SHC3: variants seen among roughly 807,000 people sequenced by gnomAD.
SHC3 encodes the protein SHC-transforming protein 3.
Under a neutral mutation model 60.4 loss-of-function variants are expected in SHC3, and 15 were observed. The ratio of observed to expected loss-of-function variants is 0.25; its 90% confidence interval spans 0.17 to 0.38. The LOEUF (loss-of-function observed/expected upper bound fraction) is 0.38, where lower values mean the gene tolerates loss of function less well. Among genes scored for constraint, SHC3 ranks in the 10% least tolerant of loss-of-function variants. The probability of loss-of-function intolerance (pLI) is 1.00; values close to 1 mark genes in which losing one functional copy is unlikely to be tolerated. For synonymous variants in SHC3, 294 were observed against 325.9 expected (o/e 0.90, Z 1.05); for missense variants, 677 against 786.1 (o/e 0.86, Z 1.66).
At chr9:89,037,374 T>C (rs1824599288) in intron 11 of SHC3, 1 of 619,320 alleles carries the variant, frequency 1.6e-6, no homozygotes, top group Non-Finnish European at 2.9e-6. Context: ...TTGATTTAAC[T>C]GCATTTATTA....
At chr9:89,102,363 G>A (rs1394321623) in intron 2 of SHC3, among the ~76,000 whole-genome samples, 1 of 151,792 alleles carries the variant, frequency 6.6e-6, no homozygotes, top group African/African-American at 2.4e-5. Context: ...TAAAACTTAT[G>A]AAAAAAACAG....
intron 1 of SHC3, among the ~76,000 whole-genome samples, chr9:89,130,742 A>T (rs1826232479): frequency 6.6e-6 from 1 of 151,862 alleles, no homozygotes; most frequent in Non-Finnish European, 1.5e-5. Context: ...AACATACCAG[A>T]ATCTCATTTA....
chr9:89,024,923 G>C (rs1039231985), intron 11 of SHC3, among the ~76,000 whole-genome samples: 1 of 152,170 alleles, frequency 6.6e-6, no homozygotes, highest in East Asian at 1.9e-4. Flanking sequence ...GTGGTGTGGC[G>C]GGGAACCCAG....
At chr9:89,152,362 A>G (rs1046466274) in intron 1 of SHC3, among the ~76,000 whole-genome samples, 1 of 152,262 alleles carries the variant, frequency 6.6e-6, no homozygotes, top group Non-Finnish European at 1.5e-5. Flanking sequence ...AATGAAATCA[A>G]TTTACAGGAC....
At chr9:89,061,290 G>A (rs1354685473) in intron 6 of SHC3, among the ~76,000 whole-genome samples, 1 of 152,236 alleles carries the variant, frequency 6.6e-6, no homozygotes, top group Non-Finnish European at 1.5e-5. Context: ...TAGAAGCAGT[G>A]CTGTGTTACT....
chr9:89,169,279 C>G (rs1285602413), intron 1 of SHC3, among the ~76,000 whole-genome samples: 2 of 152,114 alleles, frequency 1.3e-5, no homozygotes, highest in Admixed American at 6.5e-5. Context: ...GGAGGCCTGC[C>G]CCTCCTCACA....
At position 89,006,183 on chromosome 9, in the gene SHC3, C is replaced by G. The variant is rs1451221780; in HGVS notation, c.*7264G>C. ...AGGATGACACCTGGGGATGCGATGC[C>G]GTGCCTGCACTTGGCGATCCCAGGA... is the stretch of plus-strand genomic sequence containing the variant. On this transcript the variant is annotated 3_prime_UTR_variant, in exon 12 of 12. Coordinates refer to ENST00000375835, the MANE Select transcript of SHC3 (RefSeq NM_016848.6). The G allele has an allele frequency of 6.6e-6, 1 of 152,184 alleles. No individual in the cohort carries two copies. Among genetic ancestry groups the G allele is most frequent in the Non-Finnish European group, 1.5e-5 (1 of 68,036 alleles). 9.4% of individuals were successfully genotyped at this position (152,184 alleles called of 1,614,324 possible).
At chr9:89,152,446 T>C (rs1017573697) in intron 1 of SHC3, among the ~76,000 whole-genome samples, 4 of 152,248 alleles carry the variant, frequency 2.6e-5, no homozygotes, top group Non-Finnish European at 4.4e-5. Context: ...CTCAAGTTAG[T>C]TGTGGCTTGG....
intron 1 of SHC3, among the ~76,000 whole-genome samples, chr9:89,148,657 A>G (rs928515722): frequency 3.3e-5 from 5 of 152,204 alleles, no homozygotes; most frequent in Non-Finnish European, 7.3e-5. Context: ...TCTATAAGTT[A>G]ATGACCTAAT....
intron 11 of SHC3, among the ~76,000 whole-genome samples, chr9:89,023,301 G>A (rs1457020812): frequency 6.6e-6 from 1 of 152,236 alleles, no homozygotes; most frequent in East Asian, 1.9e-4. Flanking sequence ...AAGTCTCAGA[G>A]TAGAAGAAAA....
In SHC3 at chr9:89,126,370, C is replaced by T. The variant is rs570459760; in HGVS notation, c.475-13744G>A. ...AGAGGCCCCATTCGGTAGAGTCTCT[C>T]TCTGCTAAGAATGGGTTTGGTACCA... On this transcript the variant is annotated intron_variant, in intron 1 of 11. Transcript: ENST00000375835. Among the ~76,000 whole-genome samples the T allele has an allele frequency of 3.9e-4, 59 of 152,308 alleles. 1 individual carries two copies. The South Asian group carries it at 9.1e-3, about 24-fold the overall frequency.
At chr9:89,130,149 A>G (rs1196183759) in intron 1 of SHC3, among the ~76,000 whole-genome samples, 4 of 152,238 alleles carry the variant, frequency 2.6e-5, no homozygotes, top group Non-Finnish European at 4.4e-5. Context: ...CAAACCAACA[A>G]AGATCAAAAG....
intron 7 of SHC3, among the ~76,000 whole-genome samples, chr9:89,051,081 G>A (rs1024627494): frequency 6.6e-6 from 1 of 152,052 alleles, no homozygotes; most frequent in Non-Finnish European, 1.5e-5. Context: ...TCTCTTTGAA[G>A]AACGGCAAAG....
chr9:89,022,180 A>G (rs1826212208), intron 11 of SHC3, among the ~76,000 whole-genome samples: 1 of 152,108 alleles, frequency 6.6e-6, no homozygotes, highest in Non-Finnish European at 1.5e-5. Flanking sequence ...GACCCAGGGC[A>G]GGAACCTGAA....
intron 1 of SHC3, among the ~76,000 whole-genome samples, chr9:89,133,426 A>G (rs889789567): frequency 6.6e-6 from 1 of 152,200 alleles, no homozygotes; most frequent in Non-Finnish European, 1.5e-5. Context: ...TACCCAAAGG[A>G]TTATAAATCA....
chr9:89,043,128 G>A (rs528313649), intron 9 of SHC3, among the ~76,000 whole-genome samples: 2 of 152,304 alleles, frequency 1.3e-5, no homozygotes, highest in Admixed American at 6.5e-5. Context: ...GTGTGTTGAA[G>A]CCAGCTCAAT....
At chr9:89,133,141 T>C (rs1400526397) in intron 1 of SHC3, among the ~76,000 whole-genome samples, 3 of 152,050 alleles carry the variant, frequency 2.0e-5, no homozygotes, top group Non-Finnish European at 4.4e-5. Context: ...ATTTATGCAG[T>C]CAACAGACAC....
chr9:89,161,232 T>C (rs1354894725), intron 1 of SHC3, among the ~76,000 whole-genome samples: 3 of 152,170 alleles, frequency 2.0e-5, no homozygotes, highest in African/African-American at 7.2e-5. Flanking sequence ...CACCACCCCC[T>C]TCATGCATCC....
chr9:89,152,332 A>G (rs1330388305), intron 1 of SHC3, among the ~76,000 whole-genome samples: 2 of 152,240 alleles, frequency 1.3e-5, no homozygotes, highest in Admixed American at 1.3e-4. Flanking sequence ...ATTACCATGC[A>G]CTGTAAAAAA....
Sources: allele counts gnomAD v4.1 joint callset (sites outside exome capture counted in the v4.1 genomes callset), GRCh38; gene constraint gnomAD v4.1.1; transcripts MANE v1.5; gene names NCBI Gene and HGNC (gene_info 2026-07-23, HGNC 2026-07-21).